Variants in COL6A6 observed in about 807,000 individuals in gnomAD.
COL6A6 encodes the protein collagen alpha-6(VI) chain.
COL6A6 carries 183 observed loss-of-function variants against 208.6 expected under a neutral mutation model. That is an observed-to-expected ratio of 0.88 (90% confidence interval 0.78 to 0.99). The LOEUF is 0.99. COL6A6 is among the 50% of genes least tolerant of loss of function. The probability of loss-of-function intolerance (pLI) is 0.00; values close to 1 mark genes in which losing one functional copy is unlikely to be tolerated. For missense variants in COL6A6, 2,816 were observed against 2,815.2 expected (o/e 1.00, Z -0.01); for synonymous variants, 973 against 1,011.8 (o/e 0.96, Z 0.73).
At chr3:130,553,916 T>C (rs1234393098) in intron 1 of COL6A6, among the ~76,000 whole-genome samples, 1 of 152,046 alleles carries the variant, frequency 6.6e-6, no homozygotes, top group Non-Finnish European at 1.5e-5. Context: ...TTGATTGTGG[T>C]ATAAGAATGG....
intron 11 of COL6A6, among the ~76,000 whole-genome samples, chr3:130,588,879 A>T (rs144575815): frequency 6.8e-6 from 1 of 146,864 alleles, no homozygotes; most frequent in Non-Finnish European, 1.5e-5. Flanking sequence ...AATACCTGAA[A>T]TGGTGGAGAG....
intron 29 of COL6A6, among the ~76,000 whole-genome samples, chr3:130,642,298 T>G (rs575935570): frequency 5.3e-5 from 8 of 151,612 alleles, no homozygotes; most frequent in African/African-American, 1.9e-4. Flanking sequence ...TTTTTTGTTT[T>G]GGGAAGGTAG....
chr3:130,529,287 T>TAA (rs563804664), intron 1 of COL6A6, among the ~76,000 whole-genome samples: 30 of 98,540 alleles, frequency 3.0e-4, no homozygotes, highest in Middle Eastern at 5.4e-3. Context: ...GCAGGAAATG[T>TAA]AAAAAAAAAA....
At chr3:130,672,670 C>T (rs112851779) in intron 36 of COL6A6, among the ~76,000 whole-genome samples, 3,524 of 151,644 alleles carry the variant, frequency 0.023, 156 homozygotes, top group African/African-American at 0.079. Context: ...TCCCAAAGTG[C>T]TAGGATTACA....
chr3:130,610,607 C>A (rs182119509), intron 22 of COL6A6, 42 bp from the exon 23 acceptor site: 1 of 1,404,202 alleles, frequency 7.1e-7, no homozygotes. Flanking sequence ...ATTCAATGTT[C>A]TCTTTTAGGC....
In COL6A6 at chr3:130,567,023, A is replaced by G. The variant is rs764160244; in HGVS notation, c.1604A>G (p.Asn535Ser). ...CAAAAAGCAAAGAAGCAGCGAGGAA[A>G]CAAAGTTCCATGCCACCTTGTTGTC... is the stretch of plus-strand genomic sequence containing the variant. Reference protein sequence around the residue: ...LLQKAKKQRGNKVPCHLVVLT... With the variant: ...LLQKAKKQRGSKVPCHLVVLT... Residue 535 changes from asparagine (N) to serine (S), a missense_variant, in exon 5 of 37, where the codon AAC (asparagine) becomes AGC (serine). By Grantham distance (46) the Asn-to-Ser change is conservative. Transcript: ENST00000358511. The G allele has an allele frequency of 3.7e-6, 6 of 1,614,078 alleles. No individual in the cohort carries two copies. The highest frequency in any genetic ancestry group is 1.7e-5 in the Admixed American group (1 of 60,030).
At chr3:130,625,545 C>T (rs2064859422) in intron 24 of COL6A6, among the ~76,000 whole-genome samples, 1 of 152,074 alleles carries the variant, frequency 6.6e-6, no homozygotes, top group South Asian at 2.1e-4. Flanking sequence ...GTTCCTCCCC[C>T]AAACCCATAA....
intron 1 of COL6A6, among the ~76,000 whole-genome samples, chr3:130,556,785 G>A (rs2062776492): frequency 6.6e-6 from 1 of 152,066 alleles, no homozygotes; most frequent in Admixed American, 6.5e-5. Flanking sequence ...GGTGAATCCT[G>A]AAGGATTCCA....
chr3:130,649,071 A>G lies in COL6A6; in HGVS notation c.5242A>G (p.Lys1748Glu), dbSNP rs2065544213. 1.9e-6 allele frequency: 3 copies of G among 1,554,044 alleles called. No homozygotes were observed. The highest frequency in any genetic ancestry group is 2.6e-6 in the Non-Finnish European group (3 of 1,147,978). Residue 1748 changes from lysine to glutamate, a missense_variant and splice_region_variant, in exon 33 of 37, where the codon AAA (lysine) becomes GAA (glutamate). Physicochemically the swap from Lys to Glu is moderately conservative, Grantham distance 56 (BLOSUM62 1). Transcript: ENST00000358511. ...TGTTAAGGGATATGGTCTTTTAGGA[A>G]AACCGGAATGCCCAGTGCACCCAAC... ...VRDRSPGRHG[K>E]PECPVHPTEL...
intron 28 of COL6A6, among the ~76,000 whole-genome samples, chr3:130,639,145 G>A (rs761388041): frequency 2.6e-5 from 4 of 152,170 alleles, no homozygotes; most frequent in East Asian, 1.9e-4. Flanking sequence ...GGGAGAGTTC[G>A]TTGAGTTTAT....
chr3:130,572,885 G>A (rs2063199190), intron 7 of COL6A6, among the ~76,000 whole-genome samples: 1 of 152,128 alleles, frequency 6.6e-6, no homozygotes, highest in African/African-American at 2.4e-5. Context: ...GAGATCACTG[G>A]GGAATTCATG....
chr3:130,568,362 CCAA>C lies in COL6A6; in HGVS notation c.2162_2164del (p.Asn721del). On this transcript the variant is annotated inframe_deletion, in exon 6 of 37. Coordinates refer to ENST00000358511, the MANE Select transcript of COL6A6 (RefSeq NM_001102608.3). Reference sequence around the variant, plus strand: ...TTCAGCCCCACCAAGGGCGCCCGGCCCAACATCAGAAAGTTTCTCATCCTCATC... The same window carrying C: ...TTCAGCCCCACCAAGGGCGCCCGGCCCATCAGAAAGTTTCTCATCCTCATC... The C allele has an allele frequency of 6.2e-7, 1 of 1,613,968 alleles. No homozygotes were observed. Among genetic ancestry groups the C allele is most frequent in the South Asian group, 1.1e-5 (1 of 91,070 alleles).
chr3:130,644,200 C>T (rs1214651836), intron 31 of COL6A6, among the ~76,000 whole-genome samples: 1 of 152,156 alleles, frequency 6.6e-6, no homozygotes, highest in Non-Finnish European at 1.5e-5. Flanking sequence ...TGTGATTGTG[C>T]GAACAACATG....
intron 1 of COL6A6, among the ~76,000 whole-genome samples, chr3:130,549,587 G>C (rs1281579387): frequency 6.6e-6 from 1 of 152,052 alleles, no homozygotes; most frequent in African/African-American, 2.4e-5. Flanking sequence ...TGTAAGGAAG[G>C]GGTCCAGTTT....
At chr3:130,567,864 A>C (rs2107907089) in intron 5 of COL6A6, among the ~76,000 whole-genome samples, 183 bp from the exon 6 acceptor site, 1 of 152,348 alleles carries the variant, frequency 6.6e-6, no homozygotes. Flanking sequence ...TATGTATTTA[A>C]GCAAGTTACT....
chr3:130,645,759 T>C (rs945185326), intron 32 of COL6A6, among the ~76,000 whole-genome samples: 2 of 152,224 alleles, frequency 1.3e-5, no homozygotes, highest in Non-Finnish European at 1.5e-5. Context: ...CTAATGTTAA[T>C]TATCAAGTTG....
chr3:130,533,319 T>C (rs916541672), intron 1 of COL6A6, among the ~76,000 whole-genome samples: 1 of 149,652 alleles, frequency 6.7e-6, no homozygotes, highest in African/African-American at 2.5e-5. Flanking sequence ...TTAATAACAA[T>C]GGATTTCATC....
chr3:130,658,602 G>C, intron 33 of COL6A6, 74 bp from the exon 34 acceptor site: 2 of 939,034 alleles, frequency 2.1e-6, no homozygotes, highest in Non-Finnish European at 3.4e-6. Context: ...CCAGATGTCA[G>C]TTCTCTATGT....
chr3:130,565,029 C>T lies in COL6A6; in HGVS notation c.697C>T (p.Leu233=), dbSNP rs369236266. ...CCCTTCTATGGCCGATGTTGTGTTC[C>T]TATTGGATATGTCAATCAATGGAAG... ...QGPSMADVVF[L]LDMSINGSEE... The change falls in exon 4 of 37, where the codon CTA becomes TTA. Residue 233 remains leucine, a synonymous_variant. Coordinates refer to ENST00000358511, the MANE Select transcript of COL6A6 (RefSeq NM_001102608.3). 1 of 1,613,890 alleles carries T rather than the reference C, an allele frequency of 6.2e-7. No homozygotes were observed. The highest frequency in any genetic ancestry group is 1.3e-5 in the African/African-American group (1 of 74,944).
Sources: allele counts gnomAD v4.1 joint callset (sites outside exome capture counted in the v4.1 genomes callset), GRCh38; gene constraint gnomAD v4.1.1; transcripts MANE v1.5; gene names NCBI Gene and HGNC (gene_info 2026-07-23, HGNC 2026-07-21).